Variants in B3GALT1 observed in about 807,000 individuals in gnomAD.
The protein encoded by B3GALT1 is UDP-Gal:betaGlcNAc beta 1,3-galactosyltransferase, polypeptide 1.
B3GALT1 carries 10 observed loss-of-function variants against 23.2 expected under a neutral mutation model. That is an observed-to-expected ratio of 0.43 (90% CI 0.27 to 0.73). B3GALT1 has a LOEUF of 0.73. Ranked by LOEUF, B3GALT1 falls within the 30% of genes least tolerant of loss-of-function variation. B3GALT1 has a pLI of 0.21. For missense variants in B3GALT1, 299 were observed against 405.4 expected, an observed-to-expected ratio of 0.74 and a Z score of 2.25; for synonymous variants, 156 against 141.5, an observed-to-expected ratio of 1.10 and a Z score of -0.73.
chr2:167,842,716 A>T (rs1195791889), intron 4 of B3GALT1, among the ~76,000 whole-genome samples: 1 of 152,008 alleles, frequency 6.6e-6, no homozygotes, highest in Non-Finnish European at 1.5e-5. Context: ...TCTACAAAAA[A>T]CTATCAAATT....
rs974353898 is a variant in B3GALT1 at position 167,872,261 on chromosome 2, G to C, written c.*2241G>C. On this transcript the variant is annotated 3_prime_UTR_variant, in exon 5 of 5. Transcript: ENST00000392690. ...CCCCCGTAGGAGTTGATAGCAAACA[G>C]ATAGACACAATGAATAAGTGGAAGT... The C allele has an allele frequency of 6.6e-6, 1 of 152,162 alleles. No homozygotes were observed. The highest frequency in any genetic ancestry group is 1.5e-5 in the Non-Finnish European group (1 of 68,086). The allele number at this position is 152,162 out of a possible 1,614,324, so 9.4% of individuals were successfully genotyped here. A position where few individuals can be genotyped will look rare whatever the true frequency, so the allele number is the denominator to read the frequency against.
intron 2 of B3GALT1, among the ~76,000 whole-genome samples, chr2:167,583,065 A>G (rs546325838): frequency 1.8e-4 from 27 of 152,294 alleles, no homozygotes; most frequent in Admixed American, 1.6e-3. Context: ...TCTTTTCTCA[A>G]GGCCCATGAG....
chr2:167,558,478 C>G (rs1683895731), intron 2 of B3GALT1: 1 of 152,606 alleles, frequency 6.6e-6, no homozygotes, highest in Admixed American at 6.5e-5. Context: ...TGCAGCACAC[C>G]ATGCGCCAGC....
chr2:167,573,908 A>G (rs1361891147), intron 2 of B3GALT1, among the ~76,000 whole-genome samples: 1 of 151,836 alleles, frequency 6.6e-6, no homozygotes, highest in East Asian at 1.9e-4. Flanking sequence ...AATTCTATGT[A>G]CAAGTTTCTT....
At chr2:167,550,556 C>T (rs1351230206) in intron 2 of B3GALT1, among the ~76,000 whole-genome samples, 2 of 152,114 alleles carry the variant, frequency 1.3e-5, no homozygotes, top group East Asian at 3.9e-4. Context: ...TTACTGTAGC[C>T]TTGATGTCTT....
chr2:167,561,554 G>A (rs879060698), intron 2 of B3GALT1, among the ~76,000 whole-genome samples: 12 of 151,930 alleles, frequency 7.9e-5, no homozygotes, highest in East Asian at 3.9e-4. Context: ...TTGATAGACC[G>A]CTAGCAAGAC....
intron 1 of B3GALT1, among the ~76,000 whole-genome samples, chr2:167,479,029 A>G (rs565405835): frequency 6.6e-5 from 10 of 152,206 alleles, no homozygotes; most frequent in African/African-American, 1.9e-4. Context: ...GCGCCACTGC[A>G]CTCCAGCCTG....
At chr2:167,736,903 G>C (rs1687501626) in intron 3 of B3GALT1, among the ~76,000 whole-genome samples, 1 of 152,006 alleles carries the variant, frequency 6.6e-6, no homozygotes, top group Non-Finnish European at 1.5e-5. Flanking sequence ...CTGCATTCCA[G>C]CCAGGGTGAT....
At chr2:167,498,388 G>T (rs879780196) in intron 2 of B3GALT1, among the ~76,000 whole-genome samples, 16 of 152,140 alleles carry the variant, frequency 1.1e-4, no homozygotes, top group Non-Finnish European at 2.1e-4. Flanking sequence ...GAATTAAAAT[G>T]TAGCAATAAG....
At chr2:167,389,048 G>T (rs1697975696) in intron 1 of B3GALT1, among the ~76,000 whole-genome samples, 1 of 152,020 alleles carries the variant, frequency 6.6e-6, no homozygotes. Flanking sequence ...ACATTTCCAA[G>T]AATATATCAG....
intron 3 of B3GALT1, among the ~76,000 whole-genome samples, chr2:167,763,709 A>AC (rs1558971588): frequency 6.6e-6 from 1 of 151,686 alleles, no homozygotes; most frequent in East Asian, 1.9e-4. Flanking sequence ...AAAAAAAAAA[A>AC]AACCTCTAGG....
At chr2:167,346,035 T>A (rs1417133756) in intron 1 of B3GALT1, among the ~76,000 whole-genome samples, 1 of 120,002 alleles carries the variant, frequency 8.3e-6, no homozygotes, top group African/African-American at 5.0e-5. Context: ...ATTTGTTGGA[T>A]TTTTTTTTTT....
At chr2:167,734,706 G>A (rs1373360997) in intron 3 of B3GALT1, among the ~76,000 whole-genome samples, 1 of 152,122 alleles carries the variant, frequency 6.6e-6, no homozygotes, top group African/African-American at 2.4e-5. Flanking sequence ...CTAACAATCT[G>A]ATTCCCCAAG....
At chr2:167,824,061 T>C (rs920589934) in intron 4 of B3GALT1, among the ~76,000 whole-genome samples, 1 of 152,160 alleles carries the variant, frequency 6.6e-6, no homozygotes, top group Non-Finnish European at 1.5e-5. Flanking sequence ...ACTCCTGATA[T>C]GATAGCTGAG....
At chr2:167,666,256 G>A (rs1051726571) in intron 3 of B3GALT1, among the ~76,000 whole-genome samples, 14 of 152,148 alleles carry the variant, frequency 9.2e-5, no homozygotes, top group African/African-American at 2.7e-4. Context: ...GTAGTTGAGC[G>A]GTTTTGAGTG....
intron 2 of B3GALT1, among the ~76,000 whole-genome samples, chr2:167,592,816 G>A (rs986785219): frequency 6.6e-6 from 1 of 152,072 alleles, no homozygotes; most frequent in Admixed American, 6.6e-5. Context: ...ACATTTGCAA[G>A]ATATATTACA....
chr2:167,540,282 T>G (rs1264392921), intron 2 of B3GALT1, among the ~76,000 whole-genome samples: 1 of 152,168 alleles, frequency 6.6e-6, no homozygotes, highest in Non-Finnish European at 1.5e-5. Context: ...CAAACTATAG[T>G]GCCCTGCTAT....
intron 2 of B3GALT1, among the ~76,000 whole-genome samples, chr2:167,561,636 C>A (rs1683992722): frequency 6.6e-6 from 1 of 152,106 alleles, no homozygotes; most frequent in Admixed American, 6.5e-5. Flanking sequence ...CACCACCGAT[C>A]CCACAGAAAT....
chr2:167,592,591 A>C (rs1475808114), intron 2 of B3GALT1, among the ~76,000 whole-genome samples: 1 of 152,212 alleles, frequency 6.6e-6, no homozygotes. Flanking sequence ...GCTAGTTATC[A>C]AAGCCAGAAA....
Sources: gnomAD v4.1 joint callset for allele counts (sites outside exome capture counted in the v4.1 genomes callset) on GRCh38, gnomAD v4.1.1 for gene constraint, MANE v1.5 for transcripts, NCBI Gene and HGNC (gene_info 2026-07-23, HGNC 2026-07-21) for gene names.